The following PALM2AKAP2 variants were observed in gnomAD, a reference collection of about 807,000 sequenced individuals.
PALM2AKAP2 encodes the protein PALM2 and AKAP2 fusion.
A neutral mutation model predicts 71.5 loss-of-function variants in PALM2AKAP2; 37 were observed. The observed-to-expected ratio is 0.52, with a 90% CI of 0.40 to 0.68. The LOEUF is 0.68. Among genes scored for constraint, PALM2AKAP2 ranks in the 30% least tolerant of loss-of-function variants. The probability of loss-of-function intolerance (pLI) is 0.00; values close to 1 mark genes in which losing one functional copy is unlikely to be tolerated. For missense variants in PALM2AKAP2, 1,224 were observed against 1,191.8 expected (o/e 1.03, Z -0.40); for synonymous variants, 468 against 478.8 (o/e 0.98, Z 0.29).
At chr9:109,852,445 G>A (rs746186985) in intron 1 of PALM2AKAP2, among the ~76,000 whole-genome samples, 7 of 152,174 alleles carry the variant, frequency 4.6e-5, no homozygotes, top group Non-Finnish European at 8.8e-5. Flanking sequence ...CACTGTTGAT[G>A]GGCACCCGGT....
chr9:110,162,270 G>T (rs147152196), intron 3 of PALM2AKAP2, 138 bp downstream of exon 10: 14,267 of 1,336,486 alleles, frequency 0.011, 126 homozygotes, highest in Middle Eastern at 0.025. Flanking sequence ...TTTTGTGCCT[G>T]TTCTGAAATA....
chr9:109,721,388 T>G (rs1390898808), intron 1 of PALM2AKAP2, among the ~76,000 whole-genome samples: 2 of 152,222 alleles, frequency 1.3e-5, no homozygotes, highest in African/African-American at 4.8e-5. Flanking sequence ...GAGATCGCTT[T>G]CTATTGGGAA....
intron 3 of PALM2AKAP2, among the ~76,000 whole-genome samples, chr9:110,164,568 TCACC>T (rs1836686575): frequency 1.3e-5 from 2 of 148,690 alleles, no homozygotes; most frequent in Non-Finnish European, 1.5e-5. Context: ...TCTCACTCTG[TCACC>T]CAGGCTGAAG....
chr9:109,973,850 T>A (rs1312947908), intron 6 of PALM2AKAP2, among the ~76,000 whole-genome samples: 4 of 152,152 alleles, frequency 2.6e-5, no homozygotes, highest in African/African-American at 9.7e-5. Context: ...CCAGTACCAA[T>A]GGTATATAGC....
intron 1 of PALM2AKAP2, among the ~76,000 whole-genome samples, chr9:109,648,559 A>T (rs1827183995): frequency 6.6e-6 from 1 of 152,170 alleles, no homozygotes; most frequent in Non-Finnish European, 1.5e-5. Context: ...GAGACTGGAG[A>T]GTGATGGGAG....
At chr9:109,679,516 T>C (rs554857113) in intron 1 of PALM2AKAP2, among the ~76,000 whole-genome samples, 1 of 152,200 alleles carries the variant, frequency 6.6e-6, no homozygotes, top group East Asian at 1.9e-4. Flanking sequence ...CTCTGACTTA[T>C]AATATGATGT....
At chr9:109,888,599 A>T (rs916417434) in intron 3 of PALM2AKAP2, among the ~76,000 whole-genome samples, 1 of 151,152 alleles carries the variant, frequency 6.6e-6, no homozygotes, top group Non-Finnish European at 1.5e-5. Context: ...AATCCCAGCT[A>T]CTCAGGAGGC....
chr9:109,926,354 T>A (rs1830955894), intron 5 of PALM2AKAP2, among the ~76,000 whole-genome samples: 1 of 152,202 alleles, frequency 6.6e-6, no homozygotes, highest in Admixed American at 6.5e-5. Flanking sequence ...AAATTAAACT[T>A]CATGCTCTGA....
At chr9:109,948,379 A>G (rs2132067641) in intron 6 of PALM2AKAP2, among the ~76,000 whole-genome samples, 1 of 152,310 alleles carries the variant, frequency 6.6e-6, no homozygotes, top group Middle Eastern at 3.4e-3. Flanking sequence ...AGTATAATAT[A>G]AGAAGGTCGG....
At chr9:109,862,839 C>T (rs1338638699) in intron 1 of PALM2AKAP2, 26 of 488,948 alleles carry the variant, frequency 5.3e-5, no homozygotes, top group Non-Finnish European at 8.2e-5. Context: ...CAGTGCACAT[C>T]GATTATTGTT....
At chr9:109,925,617 T>G (rs1830940629) in intron 5 of PALM2AKAP2, among the ~76,000 whole-genome samples, 1 of 152,180 alleles carries the variant, frequency 6.6e-6, no homozygotes. Context: ...TCCCTCCCTG[T>G]GTGGGATAGT....
Position 110,097,872 on chromosome 9 carries a change from T to C in PALM2AKAP2, c.157-38255T>C, listed in dbSNP as rs1453887541. Among the ~76,000 whole-genome samples, 3 of 139,856 alleles carry C rather than the reference T, an allele frequency of 2.1e-5. 1 individual carries two copies. Among genetic ancestry groups the C allele is most frequent in the Admixed American group, 6.8e-5 (1 of 14,626 alleles). The allele number at this position is 139,856 out of a possible 152,430, so 91.8% of individuals were successfully genotyped here. ...CCACTGCACTCCAGCCTGGGCACCA[T>C]TGAGCACTGAGTGAAGGAGACTCCG... On this transcript the variant is annotated intron_variant, in intron 1 of 3. Transcript: ENST00000374525.
intron 1 of PALM2AKAP2, among the ~76,000 whole-genome samples, chr9:109,834,750 C>T (rs181408175): frequency 2.9e-4 from 44 of 152,232 alleles, no homozygotes; most frequent in Admixed American, 1.4e-3. Context: ...TCAGAACAAC[C>T]GACGTTTCAG....
At chr9:109,750,550 C>G (rs913090050) in intron 1 of PALM2AKAP2, among the ~76,000 whole-genome samples, 3 of 149,204 alleles carry the variant, frequency 2.0e-5, no homozygotes, top group Non-Finnish European at 4.5e-5. Flanking sequence ...TCCTTCTCAT[C>G]CTCAGAGCTC....
chr9:110,116,835 G>T (rs1835373649), intron 1 of PALM2AKAP2, among the ~76,000 whole-genome samples: 1 of 152,154 alleles, frequency 6.6e-6, no homozygotes, highest in Non-Finnish European at 1.5e-5. Context: ...CAGCCAGAAA[G>T]CAAAACCTCC....
intron 1 of PALM2AKAP2, among the ~76,000 whole-genome samples, chr9:109,818,939 A>G (rs1392789161): frequency 1.3e-5 from 2 of 152,220 alleles, no homozygotes; most frequent in South Asian, 2.1e-4. Flanking sequence ...ATGACCATGT[A>G]GGTTACAAGT....
intron 1 of PALM2AKAP2, among the ~76,000 whole-genome samples, chr9:109,817,345 A>G (rs1469290124): frequency 1.3e-5 from 2 of 152,178 alleles, no homozygotes; most frequent in Non-Finnish European, 2.9e-5. Flanking sequence ...TGGGCATCTG[A>G]GCCTGCCTGG....
intron 7 of PALM2AKAP2, among the ~76,000 whole-genome samples, chr9:110,037,585 G>C (rs1178511315): frequency 6.6e-6 from 1 of 152,178 alleles, no homozygotes; most frequent in African/African-American, 2.4e-5. Flanking sequence ...ACCAGGTCTT[G>C]TACTTATGTA....
intron 6 of PALM2AKAP2, among the ~76,000 whole-genome samples, chr9:109,937,097 C>G (rs1831237210): frequency 6.6e-6 from 1 of 152,204 alleles, no homozygotes; most frequent in Non-Finnish European, 1.5e-5. Context: ...GTTGCTTTCA[C>G]TCTGCCAAAG....
Sources: allele counts gnomAD v4.1 joint callset (sites outside exome capture counted in the v4.1 genomes callset), GRCh38; gene constraint gnomAD v4.1.1; transcripts MANE v1.5; gene names NCBI Gene and HGNC (gene_info 2026-07-23, HGNC 2026-07-21).